Variants in DNAJB6 observed in about 807,000 individuals in gnomAD.
DNAJB6 encodes the protein dnaJ homolog subfamily B member 6.
A neutral mutation model predicts 42.7 loss-of-function variants in DNAJB6; 16 were observed. The ratio of observed to expected loss-of-function variants is 0.37; its 90% CI spans 0.25 to 0.57. DNAJB6 has a LOEUF of 0.57. Ranked by LOEUF, DNAJB6 falls within the 20% of genes least tolerant of loss-of-function variation. The pLI, the probability that DNAJB6 is intolerant of heterozygous loss-of-function variation, is 0.74. For missense variants in DNAJB6, 347 were observed against 416.8 expected (o/e 0.83, Z 1.46); for synonymous variants, 170 against 163.5 (o/e 1.04, Z -0.30).
At chr7:157,348,557 C>T (rs1039518048) in intron 1 of DNAJB6, among the ~76,000 whole-genome samples, 9 of 152,154 alleles carry the variant, frequency 5.9e-5, no homozygotes, top group Non-Finnish European at 1.2e-4. Context: ...TGGTTGCATT[C>T]CTGTCGTTTT....
chr7:157,361,812 A>G (rs1408992782), intron 2 of DNAJB6, among the ~76,000 whole-genome samples: 1 of 152,168 alleles, frequency 6.6e-6, no homozygotes, highest in Non-Finnish European at 1.5e-5. Context: ...TCTGTCACCT[A>G]GCCTGGAGTT....
At chr7:157,385,889 C>G in intron 8 of DNAJB6, 1 of 1,073,454 alleles carries the variant, frequency 9.3e-7, no homozygotes, top group Non-Finnish European at 1.2e-6. Context: ...ATGCACTTTG[C>G]TTTTTTATTA....
chr7:157,338,628 C>T (rs529646364), intron 1 of DNAJB6, among the ~76,000 whole-genome samples: 1 of 152,358 alleles, frequency 6.6e-6, no homozygotes, highest in African/African-American at 2.4e-5. Flanking sequence ...GCCACCGCGC[C>T]TCGCCGACTC....
intron 5 of DNAJB6, chr7:157,368,863 T>G: frequency 5.7e-6 from 1 of 175,198 alleles, no homozygotes. Flanking sequence ...AGAGTAGTTG[T>G]GTCTACAGAT....
At chr7:157,374,538 C>A (rs1800378083) in intron 5 of DNAJB6, among the ~76,000 whole-genome samples, 1 of 152,166 alleles carries the variant, frequency 6.6e-6, no homozygotes, top group South Asian at 2.1e-4. Flanking sequence ...GGATTACAGG[C>A]ATGAGCCACC....
chr7:157,371,210 T>C (rs1413384255), intron 5 of DNAJB6, among the ~76,000 whole-genome samples: 1 of 152,236 alleles, frequency 6.6e-6, no homozygotes, highest in Non-Finnish European at 1.5e-5. Context: ...ATGAAACCAG[T>C]CCCTGGTGGC....
intron 9 of DNAJB6, chr7:157,410,386 GC>G: frequency 7.8e-6 from 3 of 382,574 alleles, no homozygotes; most frequent in Non-Finnish European, 9.2e-6. Context: ...GTCTGCGTTT[GC>G]CCCTGCCCCT....
intron 2 of DNAJB6, 36 bp from the exon 3 acceptor site, chr7:157,363,125 T>G (rs1343530236): frequency 4.2e-6 from 6 of 1,438,248 alleles, no homozygotes; most frequent in Non-Finnish European, 5.8e-6. Context: ...GATTTCTGGA[T>G]TTAGAATGTG....
chr7:157,340,912 T>C (rs1287043690), intron 1 of DNAJB6, among the ~76,000 whole-genome samples: 1 of 151,976 alleles, frequency 6.6e-6, no homozygotes, highest in Non-Finnish European at 1.5e-5. Context: ...GGTGATCCCC[T>C]GCCTCCGCCT....
At chr7:157,395,114 C>CAA (rs34978309) in intron 8 of DNAJB6, among the ~76,000 whole-genome samples, 3 of 151,402 alleles carry the variant, frequency 2.0e-5, no homozygotes, top group African/African-American at 7.3e-5. Context: ...CCCCACCTCC[C>CAA]AAAAAACCCC....
At chr7:157,396,483 C>T (rs1801590919) in intron 8 of DNAJB6, among the ~76,000 whole-genome samples, 1 of 152,224 alleles carries the variant, frequency 6.6e-6, no homozygotes, top group Non-Finnish European at 1.5e-5. Context: ...TCCAGCAAAG[C>T]CCAGGCACCC....
At chr7:157,374,761 C>T (rs191425540) in intron 5 of DNAJB6, among the ~76,000 whole-genome samples, 183 of 152,308 alleles carry the variant, frequency 1.2e-3, no homozygotes, top group Middle Eastern at 3.4e-3. Context: ...AACTGAGGCT[C>T]TGGCTACCCC....
intron 4 of DNAJB6, among the ~76,000 whole-genome samples, chr7:157,367,129 C>T (rs1799883221): frequency 6.6e-6 from 1 of 152,164 alleles, no homozygotes; most frequent in Non-Finnish European, 1.5e-5. Context: ...ATGCCGATCA[C>T]GGATTTAGAG....
At chr7:157,357,147 AC>A (rs1799319584) in intron 1 of DNAJB6, among the ~76,000 whole-genome samples, 1 of 150,276 alleles carries the variant, frequency 6.7e-6, no homozygotes, top group Non-Finnish European at 1.5e-5. Flanking sequence ...AAAAAAAAAA[AC>A]AAAAAACAAA....
chr7:157,409,404 G>A (rs556963331), intron 8 of DNAJB6, among the ~76,000 whole-genome samples: 5 of 152,296 alleles, frequency 3.3e-5, no homozygotes, highest in Admixed American at 3.3e-4. Flanking sequence ...GGAGGAAATC[G>A]CCAACTGGAC....
chr7:157,359,845 C>G (rs578085472), intron 2 of DNAJB6, among the ~76,000 whole-genome samples: 1 of 152,128 alleles, frequency 6.6e-6, no homozygotes, highest in Non-Finnish European at 1.5e-5. Flanking sequence ...GGATGGCTGA[C>G]GTTGCCTGAA....
chr7:157,352,642 A>C (rs945332579), intron 1 of DNAJB6, among the ~76,000 whole-genome samples: 1 of 151,712 alleles, frequency 6.6e-6, no homozygotes, highest in African/African-American at 2.4e-5. Context: ...TTTCCTTCCC[A>C]CTTCCTCATT....
chr7:157,339,280 CCTT>C (rs1798215382), intron 1 of DNAJB6, among the ~76,000 whole-genome samples: 2 of 116,516 alleles, frequency 1.7e-5, no homozygotes, highest in East Asian at 5.3e-4. Flanking sequence ...TCTGTTTGCA[CCTT>C]TTTTTTTTTT....
At chr7:157,402,111 G>C (rs1178429934) in intron 8 of DNAJB6, among the ~76,000 whole-genome samples, 1 of 152,234 alleles carries the variant, frequency 6.6e-6, no homozygotes, top group African/African-American at 2.4e-5. Flanking sequence ...TGATAACTGG[G>C]TTTCATCCTC....
Sources: gnomAD v4.1 joint callset for allele counts (sites outside exome capture counted in the v4.1 genomes callset) on GRCh38, gnomAD v4.1.1 for gene constraint, MANE v1.5 for transcripts, NCBI Gene and HGNC (gene_info 2026-07-23, HGNC 2026-07-21) for gene names.